Variants in SLC24A2 observed in about 807,000 individuals in gnomAD.
The protein encoded by SLC24A2 is solute carrier family 24 member 2.
SLC24A2 carries 36 observed loss-of-function variants against 62.0 expected under a neutral mutation model. The observed-to-expected ratio is 0.58, with a 90% CI of 0.44 to 0.77. The LOEUF (loss-of-function observed/expected upper bound fraction) is 0.77. Ranked by LOEUF, SLC24A2 falls within the 30% of genes least tolerant of loss-of-function variation. SLC24A2 has a pLI of 0.00. For missense variants in SLC24A2, 846 were observed against 817.9 expected (o/e 1.03, Z -0.42); for synonymous variants, 358 against 294.0 (o/e 1.22, Z -2.23).
At chr9:20,010,123 T>C in the SLC24A2 span, among the ~76,000 whole-genome samples, 3 of 152,076 alleles carry the variant, frequency 2.0e-5, no homozygotes, top group Non-Finnish European at 4.4e-5. Context: ...CAATCAGCAA[T>C]ACCATTCTCC....
intron 2 of SLC24A2, among the ~76,000 whole-genome samples, chr9:19,669,619 C>T (rs1454378041): frequency 6.6e-6 from 1 of 152,168 alleles, no homozygotes; most frequent in Non-Finnish European, 1.5e-5. Context: ...CATTTCCTTG[C>T]CTTTCCCAGC....
In SLC24A2 at chr9:19,712,851, C is replaced by G. The variant is rs145291163; in HGVS notation, c.930+73086G>C. Among the ~76,000 whole-genome samples the G allele has an allele frequency of 3.9e-5, 6 of 152,230 alleles. No individual in the cohort carries two copies. In the East Asian group the frequency reaches 1.2e-3, roughly 29 times the overall value. On this transcript the variant is annotated intron_variant, in intron 2 of 10. Coordinates refer to ENST00000341998, the MANE Select transcript of SLC24A2 (RefSeq NM_020344.4). ...GCAGCATAGGGTGTTTAGCAGCATC[C>G]TTGTTCTCTATCCACCAGATGCCAG...
chr9:20,296,289 C>T, the SLC24A2 span, among the ~76,000 whole-genome samples: 1 of 152,174 alleles, frequency 6.6e-6, no homozygotes, highest in Admixed American at 6.5e-5. Context: ...TCTCCCCTGC[C>T]AAATTATTCT....
intron 10 of SLC24A2, 30 bp downstream of exon 10, chr9:19,520,864 G>T: frequency 6.2e-7 from 1 of 1,609,286 alleles, no homozygotes; most frequent in Non-Finnish European, 8.5e-7. Context: ...TGGAGCTGGT[G>T]CACACCTTTG....
chr9:19,835,546 T>C, the SLC24A2 span, among the ~76,000 whole-genome samples: 2 of 151,986 alleles, frequency 1.3e-5, no homozygotes, highest in Admixed American at 1.3e-4. Context: ...TATATATGCA[T>C]CCAATACAGG....
intron 4 of SLC24A2, among the ~76,000 whole-genome samples, chr9:19,614,010 G>C (rs964645347): frequency 1.3e-5 from 2 of 152,206 alleles, no homozygotes; most frequent in Non-Finnish European, 1.5e-5. Context: ...CCTACAGAAA[G>C]TACTCTGCAA....
At chr9:20,172,771 G>A in the SLC24A2 span, among the ~76,000 whole-genome samples, 4 of 151,938 alleles carry the variant, frequency 2.6e-5, no homozygotes, top group Non-Finnish European at 4.4e-5. Context: ...CCAGACATTC[G>A]AAGAAGAATT....
At chr9:19,525,163 A>T (rs1336553233) in intron 9 of SLC24A2, among the ~76,000 whole-genome samples, 1 of 152,094 alleles carries the variant, frequency 6.6e-6, no homozygotes, top group East Asian at 1.9e-4. Flanking sequence ...ATTTTTTGGA[A>T]ATATCCAGGA....
chr9:19,909,567 A>G, the SLC24A2 span, among the ~76,000 whole-genome samples: 4 of 152,100 alleles, frequency 2.6e-5, no homozygotes, highest in Non-Finnish European at 5.9e-5. Context: ...TAAATTATGG[A>G]GAAATGACTA....
chr9:19,911,284 C>A, the SLC24A2 span, among the ~76,000 whole-genome samples: 3 of 151,922 alleles, frequency 2.0e-5, no homozygotes, highest in Admixed American at 6.6e-5. Context: ...TCCATGGTGT[C>A]TATGTGCCAC....
intron 2 of SLC24A2, among the ~76,000 whole-genome samples, chr9:19,739,701 A>T (rs376147990): frequency 2.6e-4 from 39 of 152,322 alleles, no homozygotes; most frequent in East Asian, 1.7e-3. Flanking sequence ...AAAGGTTAAT[A>T]ATTTTAAAAA....
chr9:20,206,917 T>C, the SLC24A2 span, among the ~76,000 whole-genome samples: 1 of 150,614 alleles, frequency 6.6e-6, no homozygotes, highest in South Asian at 2.1e-4. Flanking sequence ...AATATTCCAA[T>C]GAATAAAGAA....
chr9:19,951,797 T>C, the SLC24A2 span, among the ~76,000 whole-genome samples: 3 of 152,146 alleles, frequency 2.0e-5, no homozygotes, highest in Non-Finnish European at 4.4e-5. Flanking sequence ...TTTCACAAAA[T>C]TGTCATGATT....
At chr9:19,816,189 C>G in the SLC24A2 span, among the ~76,000 whole-genome samples, 1 of 152,030 alleles carries the variant, frequency 6.6e-6, no homozygotes, top group African/African-American at 2.4e-5. Context: ...CTCAGCCTCA[C>G]CTAGTTGGCG....
intron 2 of SLC24A2, among the ~76,000 whole-genome samples, chr9:19,665,886 T>C (rs1819238028): frequency 6.6e-6 from 1 of 152,092 alleles, no homozygotes; most frequent in Admixed American, 6.6e-5. Flanking sequence ...CCTGAACTCC[T>C]TGGCTGAAGC....
chr9:19,806,864 A>T, the SLC24A2 span, among the ~76,000 whole-genome samples: 1 of 152,174 alleles, frequency 6.6e-6, no homozygotes, highest in Non-Finnish European at 1.5e-5. Flanking sequence ...TATTTTCACA[A>T]GTAGGTCCCT....
intron 7 of SLC24A2, among the ~76,000 whole-genome samples, chr9:19,572,402 G>A (rs12337914): frequency 0.12 from 17,732 of 152,034 alleles, 1,151 homozygotes; most frequent in African/African-American, 0.17. Context: ...CATATGTTGC[G>A]GGGAGGAGCC....
the SLC24A2 span, among the ~76,000 whole-genome samples, chr9:19,866,752 T>C: frequency 2.0e-5 from 3 of 147,664 alleles, no homozygotes; most frequent in South Asian, 6.6e-4. Context: ...TTCTCCTGCC[T>C]CAGCCTCCTG....
intron 2 of SLC24A2, among the ~76,000 whole-genome samples, chr9:19,689,322 G>C (rs1346007526): frequency 1.3e-5 from 2 of 152,118 alleles, no homozygotes; most frequent in Non-Finnish European, 2.9e-5. Flanking sequence ...CTGCTGTTTT[G>C]AGCTTTTCTC....
Sources: allele counts gnomAD v4.1 joint callset (sites outside exome capture counted in the v4.1 genomes callset), GRCh38; gene constraint gnomAD v4.1.1; transcripts MANE v1.5; gene names NCBI Gene and HGNC (gene_info 2026-07-23, HGNC 2026-07-21).